The following MLIP variants were observed in gnomAD, a reference collection of about 807,000 sequenced individuals.
The protein encoded by MLIP is muscular LMNA interacting protein.
Under a neutral mutation model 84.8 loss-of-function variants are expected in MLIP, and 79 were observed. The ratio of observed to expected loss-of-function variants is 0.93; its 90% CI spans 0.78 to 1.12. The LOEUF is 1.12. Ranked by LOEUF, MLIP falls within the 50% of genes most tolerant of loss-of-function variation. The pLI is 0.00. For missense variants in MLIP, 1,257 were observed against 1,160.6 expected (o/e 1.08, Z -1.21); for synonymous variants, 504 against 463.0 (o/e 1.09, Z -1.14).
upstream of MLIP, among the ~76,000 whole-genome samples, chr6:54,109,424 G>A (rs1472234752): frequency 2.6e-5 from 4 of 152,080 alleles, no homozygotes; most frequent in Non-Finnish European, 5.9e-5. Context: ...CATTTCACAG[G>A]TGAGAGGACT....
intron 12 of MLIP, among the ~76,000 whole-genome samples, chr6:54,234,657 C>T (rs546254022): frequency 1.3e-5 from 2 of 152,308 alleles, no homozygotes; most frequent in South Asian, 4.1e-4. Context: ...CTGACTTTCA[C>T]CTCTACCACT....
At chr6:54,028,421 C>T (rs1763942456) in intron 1 of MLIP, among the ~76,000 whole-genome samples, 1 of 152,134 alleles carries the variant, frequency 6.6e-6, no homozygotes, top group Admixed American at 6.5e-5. Flanking sequence ...CATAGGATTG[C>T]TTTCCTGAAC....
intron 11 of MLIP, among the ~76,000 whole-genome samples, chr6:54,229,735 G>A (rs765147985): frequency 5.3e-5 from 8 of 152,140 alleles, no homozygotes; most frequent in Non-Finnish European, 7.3e-5. Context: ...ATTCCATGGT[G>A]TATATGTACC....
intron 9 of MLIP, among the ~76,000 whole-genome samples, chr6:54,178,830 T>C (rs1047340235): frequency 1.3e-5 from 2 of 152,174 alleles, no homozygotes; most frequent in African/African-American, 2.4e-5. Context: ...TCCTTGAGAA[T>C]GATCCATGTG....
At chr6:54,061,941 T>C (rs1301785729) in intron 1 of MLIP, among the ~76,000 whole-genome samples, 1 of 152,222 alleles carries the variant, frequency 6.6e-6, no homozygotes, top group Non-Finnish European at 1.5e-5. Flanking sequence ...GGTTGTATAT[T>C]TTTTAAACCA....
At chr6:54,143,142 G>A (rs1196326147) in intron 4 of MLIP, among the ~76,000 whole-genome samples, 2 of 151,596 alleles carry the variant, frequency 1.3e-5, no homozygotes, top group Non-Finnish European at 2.9e-5. Flanking sequence ...TCCTAGTAAC[G>A]GTTCGCACTC....
At chr6:54,188,479 G>T (rs1486974502) in intron 9 of MLIP, among the ~76,000 whole-genome samples, 1 of 151,312 alleles carries the variant, frequency 6.6e-6, no homozygotes, top group African/African-American at 2.4e-5. Flanking sequence ...TACTCTTTAA[G>T]CTTTTTTTGT....
At position 54,169,556 on chromosome 6, in the gene MLIP, G is replaced by T. The variant is rs1439936191; in HGVS notation, c.2528G>T (p.Gly843Val). The change falls in exon 9 of 14, where the codon GGT becomes GTT. Residue 843 changes from glycine to valine, a missense_variant. Transcript: ENST00000502396. ...CCTACAACTCTTCCAAGAGCAGCTGGTCGAGAAACCAAATATGTAAGTACC... is the reference window on the plus strand; with the variant it reads ...CCTACAACTCTTCCAAGAGCAGCTGTTCGAGAAACCAAATATGTAAGTACC... ...KTPTTLPRAAGRETKYANLSS... is the reference protein window; with the variant it reads ...KTPTTLPRAAVRETKYANLSS... 1.3e-6 allele frequency: 2 copies of T among 1,588,906 alleles called. No individual in the cohort carries two copies. Among genetic ancestry groups the T allele is most frequent in the Non-Finnish European group, 1.7e-6 (2 of 1,167,538 alleles).
Position 54,137,817 on chromosome 6 carries a change from C to G in MLIP, c.1748C>G (p.Pro583Arg), listed in dbSNP as rs1432910956. ...AACCCCAGAAACATTCACACGTACCCTTCTACATTAGCCTCCTCTGCATTA... is the reference window on the plus strand; with the variant it reads ...AACCCCAGAAACATTCACACGTACCGTTCTACATTAGCCTCCTCTGCATTA... ...PENPRNIHTY[P>R]STLASSALSS... The change falls in exon 4 of 14, where the codon CCT becomes CGT. Residue 583 changes from proline to arginine, a missense_variant. Pro to Arg is a moderately radical substitution (Grantham distance 103). Coordinates refer to ENST00000502396, the MANE Select transcript of MLIP (RefSeq NM_001281747.2). 1.3e-6 allele frequency: 2 copies of G among 1,536,112 alleles called. No individual in the cohort carries two copies. Among genetic ancestry groups the G allele is most frequent in the African/African-American group, 2.7e-5 (2 of 73,156 alleles).
intron 12 of MLIP, among the ~76,000 whole-genome samples, chr6:54,248,294 ACT>A (rs1193516507): frequency 3.9e-5 from 6 of 152,194 alleles, no homozygotes; most frequent in African/African-American, 1.4e-4. Context: ...TGCCTGTAGT[ACT>A]AAGTAATGAA....
At chr6:54,156,736 G>C (rs1003527069) in intron 5 of MLIP, among the ~76,000 whole-genome samples, 1 of 151,968 alleles carries the variant, frequency 6.6e-6, no homozygotes, top group Admixed American at 6.6e-5. Flanking sequence ...GGTTTACCCA[G>C]TGATTCATCA....
intron 11 of MLIP, 27 bp downstream of exon 11, chr6:54,202,260 G>T (rs199662822): frequency 3.0e-6 from 4 of 1,314,274 alleles, no homozygotes; most frequent in Admixed American, 3.1e-5. Context: ...GAAAATGTTT[G>T]CTATTTTGAT....
At chr6:54,090,302 T>C (rs1363625813) in intron 1 of MLIP, among the ~76,000 whole-genome samples, 1 of 152,098 alleles carries the variant, frequency 6.6e-6, no homozygotes, top group Admixed American at 6.6e-5. Context: ...GCTATCTTAT[T>C]AGGATGTCTT....
intron 1 of MLIP, among the ~76,000 whole-genome samples, chr6:54,034,734 TGAA>T (rs1581998329): frequency 6.6e-6 from 1 of 152,098 alleles, no homozygotes; most frequent in East Asian, 1.9e-4. Flanking sequence ...AATTTATTAT[TGAA>T]GAAAAAATAT....
intron 3 of MLIP, among the ~76,000 whole-genome samples, chr6:54,130,488 A>T (rs1299537409): frequency 6.6e-6 from 1 of 152,182 alleles, no homozygotes; most frequent in African/African-American, 2.4e-5. Context: ...ACCCTCTTCA[A>T]GGAGAAACTA....
chr6:54,205,912 C>A lies in MLIP; in HGVS notation c.2718+3679C>A, dbSNP rs80209000. Among the ~76,000 whole-genome samples the A allele has an allele frequency of 0.021, 3,202 of 152,140 alleles. 195 individuals carry two copies. In the East Asian group the frequency reaches 0.25, roughly 12 times the overall value. ...AATTTGTGGTGCTTTTCAGTTATTA[C>A]AAAATGTCCTCACACTTTGCCATAA... is the stretch of plus-strand genomic sequence containing the variant. On this transcript the variant is annotated intron_variant, in intron 11 of 13. Coordinates refer to ENST00000502396, the MANE Select transcript of MLIP (RefSeq NM_001281747.2).
chr6:54,129,541 A>C (rs1771208108), intron 3 of MLIP, among the ~76,000 whole-genome samples: 1 of 152,316 alleles, frequency 6.6e-6, no homozygotes, highest in African/African-American at 2.4e-5. Context: ...ATGGAAGAGC[A>C]CCTAGGACTC....
intron 11 of MLIP, among the ~76,000 whole-genome samples, chr6:54,212,199 G>T (rs1042103036): frequency 6.6e-6 from 1 of 152,138 alleles, no homozygotes; most frequent in Non-Finnish European, 1.5e-5. Flanking sequence ...AACTAAAAGA[G>T]AAATTTGAAA....
At chr6:54,136,672 A>C (rs1313072937) in intron 3 of MLIP, 43 bp from the exon 4 acceptor site, 2 of 1,388,708 alleles carry the variant, frequency 1.4e-6, no homozygotes, top group African/African-American at 2.9e-5. Context: ...ATCGTTTCAC[A>C]AATAATGTCC....
Sources: allele counts gnomAD v4.1 joint callset (sites outside exome capture counted in the v4.1 genomes callset), GRCh38; gene constraint gnomAD v4.1.1; transcripts MANE v1.5; gene names NCBI Gene and HGNC (gene_info 2026-07-23, HGNC 2026-07-21).